Variants in DPF3 observed in about 807,000 individuals in gnomAD.
DPF3 encodes double PHD fingers 3, also known as zinc finger protein DPF3.
DPF3 carries 18 observed loss-of-function variants against 56.8 expected under a neutral mutation model. The ratio of observed to expected loss-of-function variants is 0.32; its 90% CI spans 0.22 to 0.47. DPF3 has a LOEUF of 0.47. Ranked by LOEUF, DPF3 falls within the 20% of genes least tolerant of loss-of-function variation. The probability of loss-of-function intolerance (pLI) is 1.00; values close to 1 mark genes in which losing one functional copy is unlikely to be tolerated. For synonymous variants in DPF3, 188 were observed against 180.2 expected (o/e 1.04, Z -0.35); for missense variants, 403 against 488.8 (o/e 0.82, Z 1.65).
intron 8 of DPF3, among the ~76,000 whole-genome samples, chr14:72,671,918 AAAGG>A (rs2153570450): frequency 6.6e-6 from 1 of 152,280 alleles, no homozygotes; most frequent in Admixed American, 6.5e-5. Context: ...ACTGAAAGCA[AAAGG>A]AAGTTGGAAA....
intron 2 of DPF3, among the ~76,000 whole-genome samples, chr14:72,767,164 C>T (rs1891322136): frequency 6.6e-6 from 1 of 152,218 alleles, no homozygotes; most frequent in Non-Finnish European, 1.5e-5. Flanking sequence ...CTCGCCTCCC[C>T]TACTAGCATA....
intron 6 of DPF3, among the ~76,000 whole-genome samples, chr14:72,699,976 C>T (rs1190501166): frequency 6.6e-6 from 1 of 152,100 alleles, no homozygotes; most frequent in African/African-American, 2.4e-5. Context: ...TGGAGGGGAG[C>T]TTAGGATCAG....
At chr14:72,838,905 A>ATATATATATATATTTT in intron 1 of DPF3, among the ~76,000 whole-genome samples, 3 of 64,480 alleles carry the variant, frequency 4.7e-5, no homozygotes, top group Non-Finnish European at 5.5e-5. Flanking sequence ...TATCATATAT[A>ATATATATATATATTTT]TTCTTTTTTT....
At chr14:72,695,881 C>T (rs1373767276) in intron 6 of DPF3, among the ~76,000 whole-genome samples, 1 of 152,060 alleles carries the variant, frequency 6.6e-6, no homozygotes, top group Admixed American at 6.5e-5. Context: ...TACTTACATT[C>T]ATATATTCTC....
intron 1 of DPF3, chr14:72,879,930 T>C (rs1311305241): frequency 2.7e-6 from 4 of 1,509,230 alleles, no homozygotes; most frequent in Non-Finnish European, 2.6e-6. Flanking sequence ...ACAACTTTCA[T>C]AGGATTCTTG....
At chr14:72,877,527 C>T (rs75617766) in intron 1 of DPF3, among the ~76,000 whole-genome samples, 1 of 152,124 alleles carries the variant, frequency 6.6e-6, no homozygotes, top group Non-Finnish European at 1.5e-5. Context: ...GTATTGGGTC[C>T]TCTTCATTCA....
At chr14:72,817,130 G>A (rs1348971867) in intron 1 of DPF3, among the ~76,000 whole-genome samples, 3 of 152,158 alleles carry the variant, frequency 2.0e-5, no homozygotes, top group African/African-American at 7.2e-5. Context: ...CAGCGTCCAG[G>A]GGTCCTCCAC....
At chr14:72,844,086 C>G (rs1021689776) in intron 1 of DPF3, among the ~76,000 whole-genome samples, 1 of 152,054 alleles carries the variant, frequency 6.6e-6, no homozygotes, top group African/African-American at 2.4e-5. Context: ...TTCTTATGCC[C>G]GTACTATGTG....
chr14:72,837,051 A>G (rs1884326614), intron 1 of DPF3, among the ~76,000 whole-genome samples: 1 of 151,768 alleles, frequency 6.6e-6, no homozygotes. Flanking sequence ...TGTGTTTTTT[A>G]GTAGAGACAG....
At chr14:72,645,163 T>A (rs947231111) in intron 8 of DPF3, among the ~76,000 whole-genome samples, 1 of 152,188 alleles carries the variant, frequency 6.6e-6, no homozygotes, top group Non-Finnish European at 1.5e-5. Context: ...CTGTTTTCCT[T>A]TCCATGAGGC....
chr14:72,869,927 A>G (rs938017268), intron 1 of DPF3, among the ~76,000 whole-genome samples: 7 of 152,014 alleles, frequency 4.6e-5, no homozygotes, highest in Admixed American at 2.0e-4. Flanking sequence ...GAAGATTCAG[A>G]GCAGTCAGTT....
intron 8 of DPF3, among the ~76,000 whole-genome samples, chr14:72,660,066 G>A (rs975918572): frequency 2.0e-5 from 3 of 152,128 alleles, no homozygotes; most frequent in Admixed American, 2.0e-4. Flanking sequence ...GGGAGTACGT[G>A]TTTAAATGGT....
At chr14:72,713,400 C>T (rs532203973) in intron 6 of DPF3, among the ~76,000 whole-genome samples, 4 of 152,298 alleles carry the variant, frequency 2.6e-5, no homozygotes, top group African/African-American at 9.6e-5. Flanking sequence ...CCAGGGTGCT[C>T]CCTGGGCCCC....
intron 8 of DPF3, among the ~76,000 whole-genome samples, chr14:72,651,964 G>A (rs190429164): frequency 6.6e-6 from 1 of 152,198 alleles, no homozygotes; most frequent in Non-Finnish European, 1.5e-5. Flanking sequence ...TCACAGCCAG[G>A]ATGGGTTCTC....
At chr14:72,638,870 G>A (rs898886233) in intron 8 of DPF3, among the ~76,000 whole-genome samples, 15 of 150,262 alleles carry the variant, frequency 1.0e-4, no homozygotes, top group Non-Finnish European at 2.1e-4. Context: ...ATGCTGGAGT[G>A]CAGTGGCGTG....
chr14:72,638,757 T>C (rs991318646), intron 8 of DPF3, among the ~76,000 whole-genome samples: 23 of 152,078 alleles, frequency 1.5e-4, no homozygotes, highest in African/African-American at 4.6e-4. Flanking sequence ...GAAGCAATCA[T>C]AGAAGTACCT....
chr14:72,885,085 C>A (rs1267237644), intron 1 of DPF3, among the ~76,000 whole-genome samples: 10 of 144,840 alleles, frequency 6.9e-5, no homozygotes, highest in Non-Finnish European at 1.2e-4. Context: ...GAGATCGCGA[C>A]ACTGCACTCC....
At chr14:72,797,471 C>G (rs1892690456) in intron 1 of DPF3, among the ~76,000 whole-genome samples, 1 of 152,110 alleles carries the variant, frequency 6.6e-6, no homozygotes, top group South Asian at 2.1e-4. Context: ...CAATAAAAGT[C>G]CTGGCATGTA....
At chr14:72,795,603 A>G (rs1892617462) in intron 1 of DPF3, among the ~76,000 whole-genome samples, 1 of 152,188 alleles carries the variant, frequency 6.6e-6, no homozygotes, top group African/African-American at 2.4e-5. Flanking sequence ...AGACCCAGTC[A>G]CTAAATAAAC....
Sources: allele counts gnomAD v4.1 joint callset (sites outside exome capture counted in the v4.1 genomes callset), GRCh38; gene constraint gnomAD v4.1.1; transcripts MANE v1.5; gene names NCBI Gene and HGNC (gene_info 2026-07-23, HGNC 2026-07-21).